Variants in COL27A1 observed in about 807,000 individuals in gnomAD.
COL27A1 encodes the protein collagen type XXVII alpha 1 chain.
In COL27A1, 106 loss-of-function variants were observed where a neutral mutation model predicts 251.3. The ratio of observed to expected loss-of-function variants is 0.42; its 90% CI spans 0.36 to 0.50. The LOEUF (loss-of-function observed/expected upper bound fraction) is 0.50. COL27A1 is among the 20% of genes least tolerant of loss of function. The pLI, the probability that COL27A1 is intolerant of heterozygous loss-of-function variation, is 0.00. For synonymous variants in COL27A1, 1,000 were observed against 986.3 expected, an observed-to-expected ratio of 1.01 and a Z score of -0.26; for missense variants, 2,325 against 2,522.8, an observed-to-expected ratio of 0.92 and a Z score of 1.68.
intron 24 of COL27A1, among the ~76,000 whole-genome samples, chr9:114,246,485 C>T (rs560722828): frequency 6.6e-6 from 1 of 152,300 alleles, no homozygotes; most frequent in East Asian, 1.9e-4. Context: ...GAGGGATGGG[C>T]AGAGGGACAG....
chr9:114,197,161 T>C (rs1369918556), intron 7 of COL27A1, among the ~76,000 whole-genome samples: 2 of 152,286 alleles, frequency 1.3e-5, no homozygotes, highest in South Asian at 2.1e-4. Context: ...TCCATCGGCC[T>C]ACCACTGTGT....
chr9:114,309,595 T>A, intron 60 of COL27A1, 117 bp downstream of exon 60: 1 of 734,462 alleles, frequency 1.4e-6, no homozygotes, highest in Non-Finnish European at 2.2e-6. Flanking sequence ...TATACTATAT[T>A]AATGTGATAG....
chr9:114,158,733 T>C (rs541312409), intron 1 of COL27A1, among the ~76,000 whole-genome samples: 2 of 152,328 alleles, frequency 1.3e-5, no homozygotes, highest in African/African-American at 4.8e-5. Flanking sequence ...GAGCCAACTT[T>C]CCAGGCCTGG....
rs377150636 is a variant in COL27A1 at position 114,290,086 on chromosome 9, G to T, written c.4235G>T (p.Gly1412Val). ...CCAAAGGGAAAGCAAGGCAAGGCAGGGGCCCCAGGCCGGAGGGGGGTCCAG... is the reference window on the plus strand; with the variant it reads ...CCAAAGGGAAAGCAAGGCAAGGCAGTGGCCCCAGGCCGGAGGGGGGTCCAG... Reference protein sequence around the residue: ...EGPKGKQGKAGAPGRRGVQGL... With the variant: ...EGPKGKQGKAVAPGRRGVQGL... The change falls in exon 46 of 61, where the codon GGG becomes GTG. Residue 1412 changes from glycine (G) to valine (V), a missense_variant. Coordinates refer to ENST00000356083, the MANE Select transcript of COL27A1 (RefSeq NM_032888.4). This position sits in a 1 kb window ranked among gnomAD's most constrained non-coding sequence, Gnocchi z 4.6. 1 of 1,611,664 alleles carries T rather than the reference G, an allele frequency of 6.2e-7. No homozygotes were observed. The highest frequency in any genetic ancestry group is 1.3e-5 in the African/African-American group (1 of 74,800).
chr9:114,283,688 G>C, intron 39 of COL27A1, 21 bp from the exon 40 acceptor site: 1 of 1,613,278 alleles, frequency 6.2e-7, no homozygotes, highest in Non-Finnish European at 8.5e-7. Context: ...CCATACCAAC[G>C]AGGGTCTCCT....
chr9:114,295,658 G>GT (rs879615920), intron 49 of COL27A1, among the ~76,000 whole-genome samples: 126 of 151,490 alleles, frequency 8.3e-4, no homozygotes, highest in Non-Finnish European at 1.2e-3. Flanking sequence ...GTTTTTTTTT[G>GT]TTTTTTTGTT....
chr9:114,300,112 T>C lies in COL27A1; in HGVS notation c.4627T>C (p.Phe1543Leu). 1 of 1,614,140 alleles carries C rather than the reference T, an allele frequency of 6.2e-7. No homozygotes were observed. The highest frequency in any genetic ancestry group is 1.3e-5 in the African/African-American group (1 of 75,054). The stretch of plus-strand genomic sequence containing the variant: ...GGGCTTCCCAGGAATGGCAGGTCTC[T>C]TCGGACCCAAGGTATGGACTCCCAC... Reference protein sequence around the residue: ...EMGFPGMAGLFGPKGPPGDIG... With the variant: ...EMGFPGMAGLLGPKGPPGDIG... The change falls in exon 50 of 61, where the codon TTC becomes CTC. Residue 1543 changes from phenylalanine (F) to leucine (L), a missense_variant. By Grantham distance (22) the Phe-to-Leu change is conservative. Around this residue, in one of 4 missense-constraint regions of COL27A1, gnomAD observed 327 missense variants for 442.8 expected, o/e 0.74. Transcript: ENST00000356083.
At chr9:114,160,652 A>G (rs548798837) in intron 1 of COL27A1, among the ~76,000 whole-genome samples, 12 of 148,950 alleles carry the variant, frequency 8.1e-5, no homozygotes, top group African/African-American at 2.5e-4. Flanking sequence ...AGCCTGGGCA[A>G]CACTGTGAGA....
At chr9:114,250,541 T>C in intron 24 of COL27A1, 74 bp from the exon 25 acceptor site, 1 of 1,406,232 alleles carries the variant, frequency 7.1e-7, no homozygotes, top group Non-Finnish European at 1.0e-6. Context: ...GAGATGAGCT[T>C]CAGGGGAAGG....
intron 9 of COL27A1, 62 bp from the exon 10 acceptor site, chr9:114,206,190 C>T: frequency 1.3e-6 from 2 of 1,546,520 alleles, no homozygotes; most frequent in South Asian, 2.2e-5. Flanking sequence ...GGACTTGCCC[C>T]AGGATTGGCA....
chr9:114,169,478 G>A lies in COL27A1; in HGVS notation c.1908+15G>A. On this transcript the variant is annotated intron_variant, in intron 3 of 60. Transcript: ENST00000356083. ...GTGGCTTGCCGGTAAGACTGAGTGG[G>A]GTCTGCATGCTGCTTGGAGCTCCAG... is the stretch of plus-strand genomic sequence containing the variant. 1 of 1,506,800 alleles carries A rather than the reference G, an allele frequency of 6.6e-7. No homozygotes were observed. Among genetic ancestry groups the A allele is most frequent in the Non-Finnish European group, 8.8e-7 (1 of 1,130,762 alleles). The allele number at this position is 1,506,800 out of a possible 1,614,324, so 93.3% of individuals were successfully genotyped here.
chr9:114,242,058 G>A (rs1451791890), intron 21 of COL27A1, 129 bp from the exon 22 acceptor site: 37 of 746,954 alleles, frequency 5.0e-5, no homozygotes, highest in South Asian at 7.6e-5. Context: ...TGGGCCAGGC[G>A]TGCTGTTTCC....
At chr9:114,178,820 C>T (rs894428103) in intron 4 of COL27A1, among the ~76,000 whole-genome samples, 6 of 152,092 alleles carry the variant, frequency 3.9e-5, no homozygotes, top group Non-Finnish European at 8.8e-5. Context: ...TGGCAGGCTG[C>T]GGTGGCTGAC....
chr9:114,289,765 C>T (rs1173256535), intron 45 of COL27A1, among the ~76,000 whole-genome samples: 1 of 152,124 alleles, frequency 6.6e-6, no homozygotes, highest in Non-Finnish European at 1.5e-5. Context: ...ACCTGCCTGC[C>T]TCGGTGATAC....
Position 114,167,728 on chromosome 9 carries a change from A to G in COL27A1, c.173A>G (p.Lys58Arg), listed in dbSNP as rs760780114. 3 of 1,613,506 alleles carry G rather than the reference A, an allele frequency of 1.9e-6. No homozygotes were observed. Among genetic ancestry groups the G allele is most frequent in the Admixed American group, 3.3e-5 (2 of 60,012 alleles). Reference sequence around the variant, plus strand: ...CAGCGGCTGGGCCTCAGCTGGACGAAGGCCGGGAGCCCTGCACCCCCGGGA... The same window carrying G: ...CAGCGGCTGGGCCTCAGCTGGACGAGGGCCGGGAGCCCTGCACCCCCGGGA... ...ILQRLGLSWT[K>R]AGSPAPPGVI... The change falls in exon 3 of 61, where the codon AAG (lysine) becomes AGG (arginine). Residue 58 changes from lysine (K) to arginine (R), a missense_variant. By Grantham distance (26) the Lys-to-Arg change is conservative. Around this residue, in one of 4 missense-constraint regions of COL27A1, gnomAD observed 1,183 missense variants for 1,144.1 expected, o/e 1.03. Transcript: ENST00000356083.
chr9:114,302,554 C>A (rs1005375774), intron 56 of COL27A1, among the ~76,000 whole-genome samples: 4 of 152,066 alleles, frequency 2.6e-5, no homozygotes, highest in African/African-American at 7.2e-5. Flanking sequence ...TGGTGAAACC[C>A]TGTCTCTACT....
At chr9:114,182,718 G>T (rs1014301284) in intron 4 of COL27A1, among the ~76,000 whole-genome samples, 1 of 152,188 alleles carries the variant, frequency 6.6e-6, no homozygotes, top group African/African-American at 2.4e-5. Flanking sequence ...TGGGTGATCT[G>T]AGACAGTTAC....
At chr9:114,238,324 C>A (rs1399193030) in intron 19 of COL27A1, among the ~76,000 whole-genome samples, 1 of 152,198 alleles carries the variant, frequency 6.6e-6, no homozygotes, top group Non-Finnish European at 1.5e-5. Flanking sequence ...GCGAAGCAAG[C>A]TGGCTGGGTT....
At chr9:114,268,039 C>T (rs961466916) in intron 34 of COL27A1, among the ~76,000 whole-genome samples, 1 of 152,206 alleles carries the variant, frequency 6.6e-6, no homozygotes, top group Non-Finnish European at 1.5e-5. Context: ...AGACTTGAGT[C>T]CAGTCACCCC....
Sources: allele counts gnomAD v4.1 joint callset (sites outside exome capture counted in the v4.1 genomes callset), GRCh38; gene constraint gnomAD v4.1.1; regional missense constraint gnomAD v4.1.1; non-coding constraint Gnocchi (gnomAD v3.1); transcripts MANE v1.5; gene names NCBI Gene and HGNC (gene_info 2026-07-23, HGNC 2026-07-21).